Variants in NCKAP5 observed in about 807,000 individuals in gnomAD.
NCKAP5 encodes nck-associated protein 5.
NCKAP5 carries 92 observed loss-of-function variants against 167.0 expected under a neutral mutation model. The ratio of observed to expected loss-of-function variants is 0.55; its 90% CI spans 0.47 to 0.66. The LOEUF is 0.66. Among genes scored for constraint, NCKAP5 ranks in the 30% least tolerant of loss-of-function variants. NCKAP5 has a pLI of 0.00. For synonymous variants in NCKAP5, 891 were observed against 877.4 expected (o/e 1.02, Z -0.27); for missense variants, 2,378 against 2,315.0 (o/e 1.03, Z -0.56).
chr2:132,895,816 C>CAAA (rs59012786), intron 8 of NCKAP5, among the ~76,000 whole-genome samples: 12 of 105,210 alleles, frequency 1.1e-4, no homozygotes, highest in Non-Finnish European at 1.8e-4. Context: ...GAGAAGGACT[C>CAAA]AAAAAAAAAA....
chr2:133,189,047 T>A (rs1013186070), intron 5 of NCKAP5, among the ~76,000 whole-genome samples: 12 of 151,558 alleles, frequency 7.9e-5, no homozygotes, highest in African/African-American at 2.4e-4. Flanking sequence ...GCAAGACTAA[T>A]AAAGAAGAAA....
At chr2:133,484,585 GT>G (rs986404555) in intron 3 of NCKAP5, among the ~76,000 whole-genome samples, 4 of 152,078 alleles carry the variant, frequency 2.6e-5, no homozygotes, top group African/African-American at 9.7e-5. Context: ...AAATTAAAAA[GT>G]TTTTGAGCAC....
chr2:133,183,026 C>T (rs941845581), intron 5 of NCKAP5, among the ~76,000 whole-genome samples: 2 of 151,948 alleles, frequency 1.3e-5, no homozygotes, highest in African/African-American at 4.8e-5. Context: ...GGGTCATTTC[C>T]TTCAAAAACA....
At chr2:133,046,135 T>C (rs2079392365) in intron 6 of NCKAP5, among the ~76,000 whole-genome samples, 1 of 152,170 alleles carries the variant, frequency 6.6e-6, no homozygotes, top group Admixed American at 6.6e-5. Flanking sequence ...CATTTAATAT[T>C]TTTGGACCAT....
intron 8 of NCKAP5, among the ~76,000 whole-genome samples, chr2:132,918,598 C>T (rs898194139): frequency 6.6e-6 from 1 of 152,068 alleles, no homozygotes; most frequent in African/African-American, 2.4e-5. Flanking sequence ...TTACAACATC[C>T]ATAATGATGA....
intron 6 of NCKAP5, among the ~76,000 whole-genome samples, chr2:133,019,389 G>A (rs2078450097): frequency 6.6e-6 from 1 of 152,124 alleles, no homozygotes; most frequent in African/African-American, 2.4e-5. Context: ...ATTGGGGCAG[G>A]GGAAGGAAGG....
chr2:133,249,847 G>A (rs1455048181), intron 4 of NCKAP5, among the ~76,000 whole-genome samples: 1 of 152,104 alleles, frequency 6.6e-6, no homozygotes, highest in East Asian at 1.9e-4. Context: ...TTTGGAGGAA[G>A]GAGGTTGAAG....
At chr2:133,244,117 C>T (rs1413420579) in intron 4 of NCKAP5, among the ~76,000 whole-genome samples, 1 of 152,134 alleles carries the variant, frequency 6.6e-6, no homozygotes, top group Non-Finnish European at 1.5e-5. Context: ...TAGATTTATT[C>T]ATTGTTTAAT....
chr2:133,483,633 G>A (rs1452560382), intron 3 of NCKAP5, among the ~76,000 whole-genome samples: 1 of 150,934 alleles, frequency 6.6e-6, no homozygotes, highest in Non-Finnish European at 1.5e-5. Context: ...AAAAAGGGGG[G>A]GGGGCTTTTT....
chr2:132,748,545 G>A (rs1339714166), intron 16 of NCKAP5, among the ~76,000 whole-genome samples: 1 of 152,060 alleles, frequency 6.6e-6, no homozygotes. Context: ...ATCTCTTAGG[G>A]ACATGAGCAC....
Position 133,157,114 on chromosome 2 carries a change from C to A in NCKAP5, c.208-27003G>T, listed in dbSNP as rs60371565. 7.7e-3 allele frequency among the ~76,000 whole-genome samples: 1,168 copies of A among 152,308 alleles called. 10 individuals are homozygous for A. The highest frequency in any genetic ancestry group is 0.027 in the African/African-American group (1,104 of 41,560). On this transcript the variant is annotated intron_variant, in intron 5 of 19. Coordinates refer to ENST00000409261, the MANE Select transcript of NCKAP5 (RefSeq NM_207363.3). ...CCAACCCACAATAATTCCATTTTGC[C>A]TCAAATACTGTCAATAGCTATTTTC...
At chr2:133,068,893 A>G (rs1318167237) in intron 6 of NCKAP5, among the ~76,000 whole-genome samples, 1 of 152,250 alleles carries the variant, frequency 6.6e-6, no homozygotes, top group African/African-American at 2.4e-5. Flanking sequence ...TGAACCATGA[A>G]TCAAGCTAAA....
chr2:133,322,908 T>C (rs1682161785), intron 3 of NCKAP5, among the ~76,000 whole-genome samples: 1 of 152,216 alleles, frequency 6.6e-6, no homozygotes. Context: ...AAATTTGCAT[T>C]TCTAACAAAT....
intron 8 of NCKAP5, among the ~76,000 whole-genome samples, chr2:132,949,693 C>CT (rs1183602637): frequency 1.3e-5 from 2 of 152,116 alleles, no homozygotes; most frequent in Admixed American, 1.3e-4. Context: ...AAAGTAAAAG[C>CT]TATATTTAAA....
At chr2:133,319,071 A>T (rs1376561287) in intron 3 of NCKAP5, among the ~76,000 whole-genome samples, 2 of 152,130 alleles carry the variant, frequency 1.3e-5, no homozygotes, top group Non-Finnish European at 2.9e-5. Context: ...CTGATCCACT[A>T]AACCTTAAGA....
intron 3 of NCKAP5, among the ~76,000 whole-genome samples, chr2:133,387,872 G>C (rs1248249383): frequency 6.6e-6 from 1 of 152,114 alleles, no homozygotes; most frequent in African/African-American, 2.4e-5. Context: ...CATAGTTCTT[G>C]TGCCATGGTT....
Position 133,450,158 on chromosome 2 carries a change from C to A in NCKAP5, c.69+67300G>T, listed in dbSNP as rs1314409857. On this transcript the variant is annotated intron_variant, in intron 3 of 19. Coordinates refer to ENST00000409261, the MANE Select transcript of NCKAP5 (RefSeq NM_207363.3). The stretch of plus-strand genomic sequence containing the variant: ...ACGCGCGTGCGTGCGTGCACACACA[C>A]AACAATTTAAAGGTTTAAAAGAAAG... Among the ~76,000 whole-genome samples, 3 of 151,222 alleles carry A rather than the reference C, an allele frequency of 2.0e-5. No homozygotes were observed. In the East Asian group the frequency reaches 5.8e-4, roughly 29 times the overall value.
chr2:133,609,585 A>T, the NCKAP5 span, among the ~76,000 whole-genome samples: 2 of 152,190 alleles, frequency 1.3e-5, no homozygotes, highest in East Asian at 3.9e-4. Flanking sequence ...TCTAGGGGCC[A>T]TAAGTGGAGC....
chr2:133,450,550 G>C (rs1194139051), intron 3 of NCKAP5, among the ~76,000 whole-genome samples: 2 of 152,118 alleles, frequency 1.3e-5, no homozygotes, highest in African/African-American at 2.4e-5. Context: ...AGTTGATTTT[G>C]AAATAATGAC....
Sources: gnomAD v4.1 joint callset for allele counts (sites outside exome capture counted in the v4.1 genomes callset) on GRCh38, gnomAD v4.1.1 for gene constraint, MANE v1.5 for transcripts, NCBI Gene and HGNC (gene_info 2026-07-23, HGNC 2026-07-21) for gene names.